RBFOX1: variants seen among roughly 807,000 people sequenced by gnomAD.
The protein encoded by RBFOX1 is RNA binding fox-1 homolog 1.
RBFOX1 carries 8 observed loss-of-function variants against 57.7 expected under a neutral mutation model. The ratio of observed to expected loss-of-function variants is 0.14; its 90% CI spans 0.08 to 0.25. The LOEUF (loss-of-function observed/expected upper bound fraction) is 0.25, where lower values mean the gene tolerates loss of function less well. Ranked by LOEUF, RBFOX1 falls within the 10% of genes least tolerant of loss-of-function variation. RBFOX1 has a pLI of 1.00. For synonymous variants in RBFOX1, 326 were observed against 222.4 expected (o/e 1.47, Z -4.15); for missense variants, 611 against 548.5 (o/e 1.11, Z -1.14).
At position 7,158,000 on chromosome 16, in the gene RBFOX1, C is replaced by T. The variant is rs574039668; in HGVS notation, c.27+105902C>T. ...TGACAAAAAGCTGTAAGAAATAATA[C>T]AGAAAAATTCTATGTAGCTTTTACT... On this transcript the variant is annotated intron_variant, in intron 4 of 15. Transcript: ENST00000550418. Among the ~76,000 whole-genome samples the T allele has an allele frequency of 3.9e-5, 6 of 152,182 alleles. No homozygotes were observed. In the East Asian group the frequency reaches 1.2e-3, roughly 29 times the overall value.
At chr16:5,322,805 A>C (rs1344678438) in intron 1 of RBFOX1, among the ~76,000 whole-genome samples, 1 of 152,190 alleles carries the variant, frequency 6.6e-6, no homozygotes, top group Non-Finnish European at 1.5e-5. Flanking sequence ...TATTCTACTT[A>C]TTTTGAGAGT....
chr16:7,035,491 G>C (rs139557586), intron 3 of RBFOX1, among the ~76,000 whole-genome samples: 27 of 152,298 alleles, frequency 1.8e-4, no homozygotes, highest in African/African-American at 6.3e-4. Flanking sequence ...GATTATTTCA[G>C]AGCGCATTTG....
At chr16:7,108,834 T>A (rs557827897) in intron 4 of RBFOX1, among the ~76,000 whole-genome samples, 2 of 152,202 alleles carry the variant, frequency 1.3e-5, no homozygotes, top group African/African-American at 4.8e-5. Flanking sequence ...CCGTCAAGGA[T>A]GGACTAGTGA....
intron 4 of RBFOX1, among the ~76,000 whole-genome samples, chr16:7,386,968 C>T (rs139672148): frequency 6.6e-6 from 1 of 152,206 alleles, no homozygotes; most frequent in Non-Finnish European, 1.5e-5. Flanking sequence ...TTGCATTTCT[C>T]TAATGACCAG....
At chr16:5,344,882 T>A (rs1336900913) in intron 1 of RBFOX1, among the ~76,000 whole-genome samples, 1 of 152,214 alleles carries the variant, frequency 6.6e-6, no homozygotes, top group Admixed American at 6.5e-5. Flanking sequence ...CATGTTGATA[T>A]CAATAACTCC....
In RBFOX1 at chr16:6,200,658, A is replaced by G. The variant is rs536652352; in HGVS notation, c.-126-116337A>G. 3.3e-5 allele frequency among the ~76,000 whole-genome samples: 5 copies of G among 152,314 alleles called. 1 individual carries two copies. In the South Asian group the frequency reaches 8.3e-4, roughly 25 times the overall value. ...AATGATTAAGAAATACATAAATACTACAGGAGAGATAACCCTTTACCTTGA... is the reference window on the plus strand; with the variant it reads ...AATGATTAAGAAATACATAAATACTGCAGGAGAGATAACCCTTTACCTTGA... On this transcript the variant is annotated intron_variant, in intron 1 of 15. Coordinates refer to ENST00000550418, the MANE Select transcript of RBFOX1 (RefSeq NM_018723.4).
At chr16:6,138,569 C>T (rs1163879762) in intron 1 of RBFOX1, among the ~76,000 whole-genome samples, 3 of 152,086 alleles carry the variant, frequency 2.0e-5, no homozygotes, top group Non-Finnish European at 2.9e-5. Flanking sequence ...AATCTTATGT[C>T]AGATAACATA....
At chr16:7,226,561 T>C (rs747697668) in intron 4 of RBFOX1, among the ~76,000 whole-genome samples, 2 of 152,194 alleles carry the variant, frequency 1.3e-5, no homozygotes, top group African/African-American at 2.4e-5. Context: ...GGTGCCTCCA[T>C]AGGGAGAAAG....
intron 4 of RBFOX1, among the ~76,000 whole-genome samples, chr16:7,138,416 T>G (rs1047195287): frequency 6.6e-6 from 1 of 152,158 alleles, no homozygotes; most frequent in Non-Finnish European, 1.5e-5. Flanking sequence ...TGGGACAAGA[T>G]TTCCTTATTG....
chr16:6,069,224 C>T (rs2095804730), intron 1 of RBFOX1, among the ~76,000 whole-genome samples: 1 of 151,870 alleles, frequency 6.6e-6, no homozygotes, highest in African/African-American at 2.4e-5. Flanking sequence ...TATGGAGAAA[C>T]CCCGTTTCTA....
intron 1 of RBFOX1, among the ~76,000 whole-genome samples, chr16:6,083,006 G>A (rs2096028348): frequency 8.1e-6 from 1 of 122,870 alleles, no homozygotes; most frequent in African/African-American, 3.0e-5. Context: ...GTGTTTGTTT[G>A]TTTGTTTGTT....
At chr16:6,242,269 A>G (rs1346384451) in intron 1 of RBFOX1, among the ~76,000 whole-genome samples, 5 of 152,216 alleles carry the variant, frequency 3.3e-5, no homozygotes, top group Admixed American at 3.3e-4. Context: ...ACAGGATCAT[A>G]TCCAAGCTCA....
intron 2 of RBFOX1, among the ~76,000 whole-genome samples, chr16:6,372,080 A>T (rs2090510082): frequency 6.6e-6 from 1 of 152,050 alleles, no homozygotes. Flanking sequence ...ATTGGGTAGG[A>T]GGGTGGATGG....
At chr16:6,453,443 A>T (rs771377567) in intron 2 of RBFOX1, among the ~76,000 whole-genome samples, 1 of 152,172 alleles carries the variant, frequency 6.6e-6, no homozygotes, top group Non-Finnish European at 1.5e-5. Context: ...GAAATGGATA[A>T]ATTCCTGGAC....
intron 4 of RBFOX1, among the ~76,000 whole-genome samples, chr16:7,190,890 T>C (rs544045617): frequency 3.3e-5 from 5 of 152,168 alleles, no homozygotes; most frequent in South Asian, 2.1e-4. Context: ...GTTAACTGTT[T>C]AGAGAATCAT....
intron 4 of RBFOX1, among the ~76,000 whole-genome samples, chr16:7,081,186 C>T (rs2059140229): frequency 6.6e-6 from 1 of 152,180 alleles, no homozygotes; most frequent in Admixed American, 6.5e-5. Context: ...AGGTGCACAC[C>T]ACCACACCCA....
At chr16:6,951,644 G>A (rs765058271) in intron 3 of RBFOX1, among the ~76,000 whole-genome samples, 11 of 152,000 alleles carry the variant, frequency 7.2e-5, no homozygotes, top group African/African-American at 2.2e-4. Flanking sequence ...GTCAGCCTTC[G>A]TAAGTATAGT....
chr16:6,511,659 G>A (rs1307048606), intron 2 of RBFOX1, among the ~76,000 whole-genome samples: 2 of 152,150 alleles, frequency 1.3e-5, no homozygotes, highest in African/African-American at 4.8e-5. Flanking sequence ...TAACTCCCTG[G>A]TGAAGAAAGA....
In RBFOX1 at chr16:6,364,181, G is replaced by A. The variant is rs2089152202; in HGVS notation, c.-64+47124G>A. Among the ~76,000 whole-genome samples the A allele has an allele frequency of 2.0e-5, 3 of 152,182 alleles. No homozygotes were observed. The South Asian group carries it at 6.2e-4, about 31-fold the overall frequency. On this transcript the variant is annotated intron_variant, in intron 2 of 15. Transcript: ENST00000550418. ...CTCCTTTGCAAGCCAGGAAAAATAG[G>A]ACCTTTTTCAAATTGCATGCTTCGA...
Sources: allele counts gnomAD v4.1 joint callset (sites outside exome capture counted in the v4.1 genomes callset), GRCh38; gene constraint gnomAD v4.1.1; transcripts MANE v1.5; gene names NCBI Gene and HGNC (gene_info 2026-07-23, HGNC 2026-07-21).